STARD13: variants seen among roughly 807,000 people sequenced by gnomAD.
STARD13 encodes the protein stAR-related lipid transfer protein 13.
STARD13 carries 62 observed loss-of-function variants against 106.4 expected under a neutral mutation model. The ratio of observed to expected loss-of-function variants is 0.58; its 90% CI spans 0.48 to 0.72. STARD13 has a LOEUF of 0.72. Ranked by LOEUF, STARD13 falls within the 30% of genes least tolerant of loss-of-function variation. STARD13 has a pLI of 0.00. For missense variants in STARD13, 1,387 were observed against 1,424.0 expected, an observed-to-expected ratio of 0.97 and a Z score of 0.42; for synonymous variants, 565 against 553.0, an observed-to-expected ratio of 1.02 and a Z score of -0.31.
the STARD13 span, among the ~76,000 whole-genome samples, chr13:33,392,145 G>T: frequency 2.0e-5 from 3 of 152,112 alleles, no homozygotes; most frequent in African/African-American, 7.3e-5. Context: ...AAGTTAAAAT[G>T]CACAGAGGGC....
the STARD13 span, among the ~76,000 whole-genome samples, chr13:33,430,756 T>G: frequency 2.0e-5 from 3 of 152,224 alleles, no homozygotes; most frequent in Admixed American, 2.0e-4. Flanking sequence ...AAAAATCCTG[T>G]CATTTGCAGT....
the STARD13 span, among the ~76,000 whole-genome samples, chr13:33,417,991 C>A: frequency 6.6e-6 from 1 of 152,188 alleles, no homozygotes; most frequent in Non-Finnish European, 1.5e-5. Context: ...CGAATAGGAA[C>A]AGCTCCAGTG....
chr13:33,470,768 GTTGT>G, the STARD13 span, among the ~76,000 whole-genome samples: 13 of 152,078 alleles, frequency 8.5e-5, no homozygotes, highest in Non-Finnish European at 1.5e-4. Flanking sequence ...TTTTGATGGG[GTTGT>G]TTGTTTTTTT....
the STARD13 span, among the ~76,000 whole-genome samples, chr13:33,638,680 G>C: frequency 6.6e-6 from 1 of 152,074 alleles, no homozygotes; most frequent in Admixed American, 6.6e-5. Flanking sequence ...TGTTAGTGCT[G>C]GTCATCTGTG....
In STARD13 at chr13:33,130,697, T is replaced by C. The variant is rs1217578208; in HGVS notation, c.388-408A>G. ...TCTGCCATAAAAGGCACTTACTTCT[T>C]TCCAGAAACCTCTTCACTGAGCCCC... On this transcript the variant is annotated intron_variant, in intron 4 of 13. Coordinates refer to ENST00000336934, the MANE Select transcript of STARD13 (RefSeq NM_178006.4). The surrounding 1 kb of genome is among the most constrained non-coding windows in gnomAD (Gnocchi z 4.1). 1.3e-5 allele frequency among the ~76,000 whole-genome samples: 2 copies of C among 152,188 alleles called. No individual in the cohort carries two copies. Among genetic ancestry groups the C allele is most frequent in the Non-Finnish European group, 2.9e-5 (2 of 68,042 alleles).
intron 1 of STARD13, among the ~76,000 whole-genome samples, chr13:33,213,563 A>G (rs1302309934): frequency 2.6e-5 from 4 of 152,178 alleles, no homozygotes; most frequent in African/African-American, 9.7e-5. Flanking sequence ...CGAGGTAGAG[A>G]AAGTATGTGA....
upstream of STARD13, among the ~76,000 whole-genome samples, chr13:33,351,874 C>T (rs2078082303): frequency 6.6e-6 from 1 of 152,160 alleles, no homozygotes; most frequent in Non-Finnish European, 1.5e-5. Flanking sequence ...CTAACCTCTA[C>T]CTAAAGTATT....
chr13:33,528,258 A>G, the STARD13 span, among the ~76,000 whole-genome samples: 28 of 121,814 alleles, frequency 2.3e-4, 1 homozygote, highest in African/African-American at 1.0e-3. Flanking sequence ...ATATATATAC[A>G]TATATATATA....
At chr13:33,125,256 G>T (rs1229904021) in intron 7 of STARD13, among the ~76,000 whole-genome samples, 1 of 152,178 alleles carries the variant, frequency 6.6e-6, no homozygotes, top group Non-Finnish European at 1.5e-5. Flanking sequence ...GCATCAAAAA[G>T]TATGATGAAC....
At chr13:33,606,761 C>CTGGTGTTA in the STARD13 span, among the ~76,000 whole-genome samples, 1 of 152,220 alleles carries the variant, frequency 6.6e-6, no homozygotes, top group East Asian at 1.9e-4. Flanking sequence ...AAGTCTAACA[C>CTGGTGTTA]TGGTGTTATT....
At chr13:33,291,516 C>G (rs1435527328) in intron 1 of STARD13, among the ~76,000 whole-genome samples, 3 of 152,140 alleles carry the variant, frequency 2.0e-5, no homozygotes, top group Non-Finnish European at 2.9e-5. Context: ...GGGCATTGTA[C>G]TTTTGCTGAT....
At chr13:33,560,365 A>G in the STARD13 span, among the ~76,000 whole-genome samples, 1 of 151,616 alleles carries the variant, frequency 6.6e-6, no homozygotes, top group Non-Finnish European at 1.5e-5. Flanking sequence ...GCTGGAAAGC[A>G]TAATATCCTA....
chr13:33,570,665 AC>A, the STARD13 span, among the ~76,000 whole-genome samples: 1 of 120,874 alleles, frequency 8.3e-6, no homozygotes, highest in Non-Finnish European at 1.8e-5. Context: ...TTGTTAGTCC[AC>A]AGACAGTTTG....
intron 1 of STARD13, among the ~76,000 whole-genome samples, chr13:33,267,890 A>G (rs9527306): frequency 0.97 from 148,226 of 152,268 alleles, 72,291 homozygotes; most frequent in South Asian, 1. Context: ...GATGAAGGGT[A>G]CTGTCCCAGG....
the STARD13 span, among the ~76,000 whole-genome samples, chr13:33,456,715 GAC>G: frequency 6.6e-6 from 1 of 152,112 alleles, no homozygotes; most frequent in Non-Finnish European, 1.5e-5. Context: ...CTTTGTAAAA[GAC>G]ACACCAGAAA....
At chr13:33,327,351 T>G (rs1226368921) in intron 1 of STARD13, among the ~76,000 whole-genome samples, 2 of 152,236 alleles carry the variant, frequency 1.3e-5, no homozygotes, top group Non-Finnish European at 2.9e-5. Flanking sequence ...TTGGTAATTT[T>G]TATTTTGCAT....
the STARD13 span, among the ~76,000 whole-genome samples, chr13:33,386,171 TCA>T: frequency 1.3e-5 from 2 of 152,166 alleles, no homozygotes; most frequent in Non-Finnish European, 2.9e-5. Flanking sequence ...GTTCTTTGAT[TCA>T]CATAGCTAAT....
At chr13:33,657,746 A>C in the STARD13 span, among the ~76,000 whole-genome samples, 1 of 152,192 alleles carries the variant, frequency 6.6e-6, no homozygotes, top group Non-Finnish European at 1.5e-5. Context: ...AGTTGTGCTC[A>C]CTCTTCTACA....
intron 1 of STARD13, among the ~76,000 whole-genome samples, chr13:33,264,337 T>C (rs1189210201): frequency 6.6e-6 from 1 of 152,196 alleles, no homozygotes; most frequent in Non-Finnish European, 1.5e-5. Flanking sequence ...GTTTGTTACA[T>C]AGCAACAGTC....
Sources: gnomAD v4.1 joint callset for allele counts (sites outside exome capture counted in the v4.1 genomes callset) on GRCh38, gnomAD v4.1.1 for gene constraint, Gnocchi (gnomAD v3.1) non-coding constraint, MANE v1.5 for transcripts, NCBI Gene and HGNC (gene_info 2026-07-23, HGNC 2026-07-21) for gene names.